The following RASEF variants were observed in gnomAD, a reference collection of about 807,000 sequenced individuals.
RASEF encodes the protein ras and EF-hand domain-containing protein.
Under a neutral mutation model 90.1 loss-of-function variants are expected in RASEF, and 68 were observed. That is an observed-to-expected ratio of 0.75 (90% CI 0.62 to 0.92). The LOEUF is 0.92. Among genes scored for constraint, RASEF ranks in the 40% least tolerant of loss-of-function variants. The pLI, the probability that RASEF is intolerant of heterozygous loss-of-function variation, is 0.00. For missense variants in RASEF, 949 were observed against 937.2 expected (o/e 1.01, Z -0.16); for synonymous variants, 331 against 345.2 (o/e 0.96, Z 0.46).
Position 83,062,590 on chromosome 9 carries a change from G to A in RASEF, c.278C>T (p.Ser93Phe), listed in dbSNP as rs749735758. 1 of 1,579,334 alleles carries A rather than the reference G, an allele frequency of 6.3e-7. No homozygotes were observed. Among genetic ancestry groups the A allele is most frequent in the East Asian group, 2.3e-5 (1 of 43,018 alleles). ...WGPLDPAPAV[S>F]EAGPETHDSE... ...GTCGTGTGTCTCCGGCCCCGCCTCAGACACGGCGGGCGCGGGATCCAGAGG... is the reference window on the plus strand; with the variant it reads ...GTCGTGTGTCTCCGGCCCCGCCTCAAACACGGCGGGCGCGGGATCCAGAGG... The change falls in exon 1 of 17, where the codon TCT becomes TTT. Residue 93 changes from serine to phenylalanine, a missense_variant. By Grantham distance (155) the Ser-to-Phe change is radical. Transcript: ENST00000376447.
At chr9:83,019,623 C>T (rs2118547670) in intron 3 of RASEF, among the ~76,000 whole-genome samples, 1 of 152,280 alleles carries the variant, frequency 6.6e-6, no homozygotes, top group Non-Finnish European at 1.5e-5. Flanking sequence ...AAGACTTGTA[C>T]ATGCATATTC....
At chr9:83,035,729 A>T (rs1286680263) in intron 1 of RASEF, among the ~76,000 whole-genome samples, 1 of 151,798 alleles carries the variant, frequency 6.6e-6, no homozygotes. Context: ...ATGGAAAAAA[A>T]TATTTCTACT....
At chr9:83,122,062 T>A in the RASEF span, among the ~76,000 whole-genome samples, 1 of 152,224 alleles carries the variant, frequency 6.6e-6, no homozygotes, top group African/African-American at 2.4e-5. Context: ...TTATTATTTT[T>A]AAAAACTTAT....
At chr9:83,169,054 T>A in the RASEF span, among the ~76,000 whole-genome samples, 1 of 151,906 alleles carries the variant, frequency 6.6e-6, no homozygotes, top group Non-Finnish European at 1.5e-5. Context: ...AGAGATCATT[T>A]TTTTTTTAGC....
At chr9:83,144,378 A>AGGAAC in the RASEF span, among the ~76,000 whole-genome samples, 1 of 58,038 alleles carries the variant, frequency 1.7e-5, no homozygotes, top group African/African-American at 8.5e-5. Flanking sequence ...AAAGAAAGAA[A>AGGAAC]GAAAGAAAGA....
chr9:83,018,828 G>T (rs1829392159), intron 3 of RASEF, among the ~76,000 whole-genome samples: 1 of 151,984 alleles, frequency 6.6e-6, no homozygotes, highest in Admixed American at 6.5e-5. Context: ...ATCAATCAAT[G>T]GAACAGAACA....
rs548151134 is a variant in RASEF, at chr9:82,979,661, T to C, written c.*3016A>G. 6 of 152,326 alleles carry C rather than the reference T, an allele frequency of 3.9e-5. No homozygotes were observed. The highest frequency in any genetic ancestry group is 3.3e-4 in the Admixed American group (5 of 15,300). The allele number at this position is 152,326 out of a possible 1,614,324, so 9.4% of individuals were successfully genotyped here. ...GTAGTTCCTTAGACATTTGCATTGC[T>C]ATAAAAATTACACTTTATGGTATAA... On this transcript the variant is annotated 3_prime_UTR_variant, in exon 17 of 17. Coordinates refer to ENST00000376447, the MANE Select transcript of RASEF (RefSeq NM_152573.4).
At chr9:83,183,398 T>C in the RASEF span, among the ~76,000 whole-genome samples, 3 of 152,194 alleles carry the variant, frequency 2.0e-5, no homozygotes, top group Non-Finnish European at 4.4e-5. Flanking sequence ...AACAATGTAG[T>C]ATTTTTAGAT....
At chr9:83,025,243 G>A (rs1829522941) in intron 2 of RASEF, among the ~76,000 whole-genome samples, 1 of 152,178 alleles carries the variant, frequency 6.6e-6, no homozygotes, top group African/African-American at 2.4e-5. Flanking sequence ...GAGGGCTAGA[G>A]AGTAGAGAGA....
chr9:83,140,006 G>T, the RASEF span, among the ~76,000 whole-genome samples: 1 of 152,138 alleles, frequency 6.6e-6, no homozygotes, highest in South Asian at 2.1e-4. Flanking sequence ...GGGGGAATTA[G>T]TACTAACTGT....
In RASEF at chr9:83,000,443, A is replaced by C; in HGVS notation, c.1565T>G (p.Leu522Arg). ...TCGGAGACCACCTACCTGGGGCGAG[A>C]GTGCTGAGATGGGCTTTCTTGATGA... Reference protein sequence around the residue: ...VSSSRKPISALSPQTDLVDDN... With the variant: ...VSSSRKPISARSPQTDLVDDN... The change falls in exon 11 of 17, where the codon CTC becomes CGC. Residue 522 changes from leucine to arginine, a missense_variant. By Grantham distance (102) the Leu-to-Arg change is moderately radical. Transcript: ENST00000376447. The C allele has an allele frequency of 3.1e-6, 5 of 1,613,876 alleles. No homozygotes were observed. The highest frequency in any genetic ancestry group is 4.2e-6 in the Non-Finnish European group (5 of 1,179,938).
Position 83,062,789 on chromosome 9 carries a change from GC to G in RASEF, c.78del (p.Arg27AlafsTer136), listed in dbSNP as rs957745807. The G allele has an allele frequency of 1.7e-5, 26 of 1,555,886 alleles. No individual in the cohort carries two copies. The highest frequency in any genetic ancestry group is 2.2e-5 in the Non-Finnish European group (26 of 1,160,858). ...GCCCGGAACTCCTCGCGCTCCAGGC[GC>G]CCCGAGCGGTTCGCGTCGCAGGCGG... ...VFAACDANRS[G>X]RLEREEFRAL... is the part of the protein sequence containing the mutation. On this transcript the variant is annotated frameshift_variant, in exon 1 of 17. Coordinates refer to ENST00000376447, the MANE Select transcript of RASEF (RefSeq NM_152573.4). LOFTEE classifies it high-confidence loss of function.
intron 3 of RASEF, among the ~76,000 whole-genome samples, chr9:83,019,895 C>A (rs1234290050): frequency 6.6e-6 from 1 of 152,064 alleles, no homozygotes; most frequent in African/African-American, 2.4e-5. Context: ...GAAAATAGAA[C>A]AATGATTATC....
intron 5 of RASEF, among the ~76,000 whole-genome samples, chr9:83,010,625 T>C (rs2118498300): frequency 6.6e-6 from 1 of 152,290 alleles, no homozygotes; most frequent in South Asian, 2.1e-4. Flanking sequence ...CCATTCCCTA[T>C]CTTACCCTAG....
chr9:83,163,550 T>C, the RASEF span, among the ~76,000 whole-genome samples: 1 of 151,936 alleles, frequency 6.6e-6, no homozygotes, highest in Non-Finnish European at 1.5e-5. Flanking sequence ...CAAAGAGAAA[T>C]GCTAGAGATC....
intron 1 of RASEF, among the ~76,000 whole-genome samples, chr9:83,058,334 T>C (rs1390094210): frequency 9.3e-5 from 14 of 149,864 alleles, no homozygotes; most frequent in African/African-American, 3.3e-4. Flanking sequence ...AGGTGCCCGC[T>C]ACCACGCCCG....
intron 16 of RASEF, among the ~76,000 whole-genome samples, chr9:82,983,652 C>G (rs1021973929): frequency 6.6e-6 from 1 of 152,242 alleles, no homozygotes; most frequent in African/African-American, 2.4e-5. Context: ...CCCTCTTGGT[C>G]AGAGCTGGTT....
chr9:83,012,382 G>T, intron 5 of RASEF, 52 bp downstream of exon 5: 2 of 918,680 alleles, frequency 2.2e-6, no homozygotes, highest in East Asian at 2.9e-5. Flanking sequence ...AAGAGCATGA[G>T]GATGTGGTCT....
upstream of RASEF, among the ~76,000 whole-genome samples, chr9:83,066,909 C>A (rs896553434): frequency 6.6e-6 from 1 of 152,168 alleles, no homozygotes; most frequent in Non-Finnish European, 1.5e-5. Flanking sequence ...TTTCCACAGA[C>A]TTAGTGCTCT....
Sources: gnomAD v4.1 joint callset for allele counts (sites outside exome capture counted in the v4.1 genomes callset) on GRCh38, gnomAD v4.1.1 for gene constraint, MANE v1.5 for transcripts, NCBI Gene and HGNC (gene_info 2026-07-23, HGNC 2026-07-21) for gene names.